Variants in GRM5 observed in about 807,000 individuals in gnomAD.
GRM5 encodes glutamate metabotropic receptor 5.
A neutral mutation model predicts 83.1 loss-of-function variants in GRM5; 19 were observed. The observed-to-expected ratio is 0.23, with a 90% confidence interval of 0.16 to 0.34. GRM5 has a LOEUF of 0.34. GRM5 is among the 10% of genes least tolerant of loss of function. GRM5 has a pLI of 1.00. For synonymous variants in GRM5, 675 were observed against 633.6 expected, an observed-to-expected ratio of 1.07 and a Z score of -0.98; for missense variants, 1,160 against 1,588.3, an observed-to-expected ratio of 0.73 and a Z score of 4.58.
At chr11:88,574,925 C>G (rs756879713) in intron 7 of GRM5, among the ~76,000 whole-genome samples, 1 of 150,408 alleles carries the variant, frequency 6.6e-6, no homozygotes, top group South Asian at 2.1e-4. Context: ...TGCCATCCAA[C>G]TATGAAGGTC....
chr11:88,900,276 C>T (rs1400691920), intron 2 of GRM5, among the ~76,000 whole-genome samples: 2 of 152,150 alleles, frequency 1.3e-5, no homozygotes, highest in African/African-American at 2.4e-5. Context: ...TCTCTGCTTT[C>T]TAACATTAGT....
intron 9 of GRM5, chr11:88,523,959 G>A (rs1941778893): frequency 2.6e-5 from 4 of 152,156 alleles, no homozygotes; most frequent in Admixed American, 2.6e-4. Context: ...ACATGCATAT[G>A]CACATACTCT....
intron 2 of GRM5, among the ~76,000 whole-genome samples, chr11:89,005,972 A>C (rs1329543200): frequency 6.6e-6 from 1 of 152,236 alleles, no homozygotes; most frequent in Non-Finnish European, 1.5e-5. Context: ...CTATGAAAGC[A>C]CAAAGGACAG....
chr11:88,721,736 G>A (rs1389176697), intron 3 of GRM5, among the ~76,000 whole-genome samples: 1 of 152,140 alleles, frequency 6.6e-6, no homozygotes, highest in Non-Finnish European at 1.5e-5. Flanking sequence ...CAGTAATGAA[G>A]TTTTTATGCC....
chr11:88,671,077 T>C (rs556703716), intron 3 of GRM5, among the ~76,000 whole-genome samples: 1 of 151,884 alleles, frequency 6.6e-6, no homozygotes, highest in African/African-American at 2.4e-5. Context: ...TAAAAAACCA[T>C]CTAAATCCAA....
chr11:88,598,878 A>G (rs575058204), intron 5 of GRM5, among the ~76,000 whole-genome samples: 1 of 152,336 alleles, frequency 6.6e-6, no homozygotes, highest in East Asian at 1.9e-4. Flanking sequence ...GTTTCTAGCA[A>G]TTCTTAAGTC....
intron 2 of GRM5, among the ~76,000 whole-genome samples, chr11:88,938,755 T>A (rs545206892): frequency 6.6e-6 from 1 of 151,850 alleles, no homozygotes; most frequent in South Asian, 2.1e-4. Flanking sequence ...CATTTGAATG[T>A]CTTTTTTTAA....
At chr11:88,548,908 A>G (rs1942441855) in intron 8 of GRM5, among the ~76,000 whole-genome samples, 1 of 152,304 alleles carries the variant, frequency 6.6e-6, no homozygotes, top group South Asian at 2.1e-4. Context: ...AAAAACAAGC[A>G]CCAAATTAGT....
chr11:88,635,209 T>C (rs779341685), intron 4 of GRM5, among the ~76,000 whole-genome samples: 1 of 152,170 alleles, frequency 6.6e-6, no homozygotes, highest in Non-Finnish European at 1.5e-5. Flanking sequence ...TGCTGTATCA[T>C]AAGGTAGTTT....
chr11:88,975,727 T>C (rs1939313976), intron 2 of GRM5, among the ~76,000 whole-genome samples: 1 of 152,202 alleles, frequency 6.6e-6, no homozygotes, highest in Non-Finnish European at 1.5e-5. Context: ...CACTGCCATC[T>C]AAATGTATTA....
At chr11:88,510,842 T>C (rs1258360354) in intron 9 of GRM5, among the ~76,000 whole-genome samples, 1 of 152,156 alleles carries the variant, frequency 6.6e-6, no homozygotes, top group Non-Finnish European at 1.5e-5. Context: ...GAGATTCTGG[T>C]GTAGTTTCCC....
At position 88,675,127 on chromosome 11, in the gene GRM5, T is replaced by G. The variant is rs574761096; in HGVS notation, c.912-21724A>C. 4.3e-4 allele frequency among the ~76,000 whole-genome samples: 66 copies of G among 152,148 alleles called. No homozygotes were observed. In the South Asian group the frequency reaches 0.013, roughly 31 times the overall value. ...GCTGTTTTTCTAACCCCATTTCAGA[T>G]GCCTTTTATTCTAAGTCTTCTGTGA... On this transcript the variant is annotated intron_variant, in intron 3 of 9. Transcript: ENST00000305447.
chr11:88,552,774 A>C (rs1428981636), intron 8 of GRM5, among the ~76,000 whole-genome samples: 1 of 152,158 alleles, frequency 6.6e-6, no homozygotes, highest in Admixed American at 6.5e-5. Flanking sequence ...CCAGAGTTTA[A>C]AAGCTGTCTG....
At chr11:89,046,271 T>G (rs1411939395) in intron 2 of GRM5, among the ~76,000 whole-genome samples, 1 of 152,212 alleles carries the variant, frequency 6.6e-6, no homozygotes, top group African/African-American at 2.4e-5. Context: ...TATATTGATA[T>G]GTTAATGCAG....
At chr11:89,052,774 A>G (rs1385732442) in intron 1 of GRM5, among the ~76,000 whole-genome samples, 1 of 152,210 alleles carries the variant, frequency 6.6e-6, no homozygotes, top group East Asian at 1.9e-4. Context: ...AAATATTCCA[A>G]TAAGAATTTC....
At position 88,821,109 on chromosome 11, in the gene GRM5, G is replaced by A. The variant is rs567527788; in HGVS notation, c.911+28797C>T. Among the ~76,000 whole-genome samples, 150 of 152,062 alleles carry A rather than the reference G, an allele frequency of 9.9e-4. No homozygotes were observed. The Middle Eastern group carries it at 0.02, about 21-fold the overall frequency. ...ATGACCTCAGTTGAATTCCCGAAAG[G>A]GCTCTACATCAGTGTTAAAATGGCC... is the stretch of plus-strand genomic sequence containing the variant. On this transcript the variant is annotated intron_variant, in intron 3 of 9. Transcript: ENST00000305447.
chr11:88,935,798 C>T (rs1382224689), intron 2 of GRM5, among the ~76,000 whole-genome samples: 4 of 151,668 alleles, frequency 2.6e-5, no homozygotes, highest in Admixed American at 1.3e-4. Flanking sequence ...TATTATTTCC[C>T]GTTAATTATA....
intron 9 of GRM5, among the ~76,000 whole-genome samples, chr11:88,518,397 C>T (rs2135093006): frequency 6.6e-6 from 1 of 151,930 alleles, no homozygotes; most frequent in East Asian, 1.9e-4. Context: ...ATAAGCTACT[C>T]ATCATACATA....
rs1050379781 is a variant in GRM5 at position 88,638,086 on chromosome 11, T to A, written c.1147+15082A>T. ...AACCAAACACTGCGTATTCTCACTC[T>A]TAGGTGGGAATTGAACAATGAGAAC... On this transcript the variant is annotated intron_variant, in intron 4 of 9. Transcript: ENST00000305447. Among the ~76,000 whole-genome samples the A allele has an allele frequency of 3.1e-4, 45 of 145,142 alleles. 1 individual carries two copies. The highest frequency in any genetic ancestry group is 1.0e-3 in the African/African-American group (39 of 38,944).
Sources: allele counts gnomAD v4.1 joint callset (sites outside exome capture counted in the v4.1 genomes callset), GRCh38; gene constraint gnomAD v4.1.1; transcripts MANE v1.5; gene names NCBI Gene and HGNC (gene_info 2026-07-23, HGNC 2026-07-21).